The following EYS variants were observed in gnomAD, a reference collection of about 807,000 sequenced individuals.
EYS encodes the protein protein eyes shut homolog.
EYS carries 250 observed loss-of-function variants against 282.1 expected under a neutral mutation model. The ratio of observed to expected loss-of-function variants is 0.89; its 90% CI spans 0.80 to 0.98. EYS has a LOEUF of 0.98. Ranked by LOEUF, EYS falls within the 50% of genes least tolerant of loss-of-function variation. EYS has a pLI of 0.00. For synonymous variants in EYS, 1,355 were observed against 1,282.9 expected (o/e 1.06, Z -1.20); for missense variants, 4,016 against 3,709.0 (o/e 1.08, Z -2.15).
intron 29 of EYS, among the ~76,000 whole-genome samples, chr6:64,357,301 A>G (rs922847772): frequency 1.4e-5 from 2 of 143,378 alleles, no homozygotes; most frequent in African/African-American, 5.3e-5. Context: ...AACAATAACA[A>G]CAACTGTGTC....
rs1468377061 is a variant in EYS, at chr6:65,476,683, T to C, written c.862+13911A>G. Among the ~76,000 whole-genome samples, 7 of 152,222 alleles carry C rather than the reference T, an allele frequency of 4.6e-5. No homozygotes were observed. The East Asian group carries it at 1.4e-3, about 30-fold the overall frequency. On this transcript the variant is annotated intron_variant, in intron 5 of 42. Coordinates refer to ENST00000503581, the MANE Select transcript of EYS (RefSeq NM_001142800.2). ...CCTCCACCTCCCAGGATCAAGTGAT[T>C]CTCCTGCCTCAGCCTCCCGAGTAGC...
chr6:64,613,864 T>G (rs1767184781), intron 24 of EYS, among the ~76,000 whole-genome samples: 1 of 152,090 alleles, frequency 6.6e-6, no homozygotes, highest in African/African-American at 2.4e-5. Flanking sequence ...TTTTGAAGAC[T>G]CCCAGAGCAT....
chr6:65,594,610 G>T (rs1765343215), intron 2 of EYS, among the ~76,000 whole-genome samples: 2 of 152,008 alleles, frequency 1.3e-5, no homozygotes, highest in South Asian at 4.1e-4. Flanking sequence ...CCATTCTGTA[G>T]GTTGCCTGTT....
rs116509965 is a variant in EYS at position 64,915,820 on chromosome 6, G to C, written c.2382-3077C>G. 4.4e-3 allele frequency among the ~76,000 whole-genome samples: 666 copies of C among 152,276 alleles called. 3 individuals are homozygous for C. The highest frequency in any genetic ancestry group is 0.015 in the African/African-American group (629 of 41,550). On this transcript the variant is annotated intron_variant, in intron 15 of 42. Transcript: ENST00000503581. The stretch of plus-strand genomic sequence containing the variant: ...TTTTCTCACTTTACAGATGAGATAG[G>C]TGGAAGTTCAAAGGATAACAGTGAT...
chr6:64,545,714 T>C, intron 26 of EYS, among the ~76,000 whole-genome samples: 1 of 152,132 alleles, frequency 6.6e-6, no homozygotes, highest in South Asian at 2.1e-4. Flanking sequence ...ACAAGCATTC[T>C]TATACACCAG....
intron 12 of EYS, among the ~76,000 whole-genome samples, chr6:65,142,805 TATGGAGGCTAGA>T (rs1764379894): frequency 6.6e-6 from 1 of 151,998 alleles, no homozygotes; most frequent in South Asian, 2.1e-4. Context: ...CATCTAAAAC[TATGGAGGCTAGA>T]AGATAGTGGA....
intron 30 of EYS, among the ~76,000 whole-genome samples, chr6:64,275,798 A>G (rs550800452): frequency 5.2e-5 from 4 of 77,540 alleles, no homozygotes; most frequent in Non-Finnish European, 1.2e-4. Flanking sequence ...TACTAAAAAA[A>G]TAAAATAAAA....
At chr6:65,124,068 G>A (rs1265345690) in intron 12 of EYS, among the ~76,000 whole-genome samples, 1 of 151,998 alleles carries the variant, frequency 6.6e-6, no homozygotes, top group Non-Finnish European at 1.5e-5. Context: ...CAGCTACTTG[G>A]GAAGCTGAGG....
intron 22 of EYS, among the ~76,000 whole-genome samples, chr6:64,778,691 C>A (rs1773758661): frequency 6.6e-6 from 1 of 151,984 alleles, no homozygotes; most frequent in South Asian, 2.1e-4. Context: ...TCCTAAAAAC[C>A]ACCACCAACA....
At chr6:64,032,199 C>G (rs1034626778) in intron 33 of EYS, among the ~76,000 whole-genome samples, 1 of 152,110 alleles carries the variant, frequency 6.6e-6, no homozygotes, top group Non-Finnish European at 1.5e-5. Context: ...AAGGAAGAAA[C>G]TCTGAACACA....
intron 31 of EYS, among the ~76,000 whole-genome samples, chr6:64,151,323 A>ATATATATATATATATATATATATT (rs1774708349): frequency 1.5e-5 from 1 of 64,750 alleles, no homozygotes; most frequent in African/African-American, 8.4e-5. Context: ...ATATTTATAT[A>ATATATATATATATATATATATATT]TATATATATA....
chr6:65,471,216 G>A (rs1249989282), intron 5 of EYS, among the ~76,000 whole-genome samples: 1 of 127,506 alleles, frequency 7.8e-6, no homozygotes, highest in African/African-American at 3.0e-5. Context: ...AACATAGTGA[G>A]ACCTCATCTT....
chr6:65,505,132 A>G (rs1222246674), intron 2 of EYS, among the ~76,000 whole-genome samples: 1 of 151,888 alleles, frequency 6.6e-6, no homozygotes, highest in Non-Finnish European at 1.5e-5. Context: ...GAGTATTGAT[A>G]GTTTGTGTCA....
intron 2 of EYS, among the ~76,000 whole-genome samples, chr6:65,624,934 G>A (rs1275669343): frequency 1.3e-5 from 2 of 152,198 alleles, no homozygotes; most frequent in Non-Finnish European, 2.9e-5. Flanking sequence ...TTGTGATCGT[G>A]TGAGTCAATT....
chr6:64,081,815 A>G, intron 32 of EYS, 41 bp downstream of exon 32: 1 of 1,392,752 alleles, frequency 7.2e-7, no homozygotes, highest in South Asian at 1.4e-5. Flanking sequence ...ACGTTTGAGA[A>G]AGAAACATGA....
chr6:65,007,947 G>A (rs2150131433), intron 13 of EYS, among the ~76,000 whole-genome samples: 1 of 152,262 alleles, frequency 6.6e-6, no homozygotes, highest in East Asian at 1.9e-4. Context: ...CCCCAAATGA[G>A]AGAAGTGCCA....
intron 33 of EYS, among the ~76,000 whole-genome samples, chr6:64,002,690 G>A (rs948839762): frequency 2.6e-5 from 4 of 152,114 alleles, no homozygotes; most frequent in African/African-American, 9.7e-5. Flanking sequence ...TGCTTCAGTG[G>A]GAATGAAGAT....
At chr6:64,748,118 G>T (rs752941563) in intron 22 of EYS, among the ~76,000 whole-genome samples, 12 of 152,192 alleles carry the variant, frequency 7.9e-5, no homozygotes, top group Non-Finnish European at 1.5e-4. Context: ...CAGTGAAATT[G>T]TACTGTGTGA....
At chr6:65,383,268 T>C (rs536977972) in intron 8 of EYS, among the ~76,000 whole-genome samples, 2 of 151,984 alleles carry the variant, frequency 1.3e-5, no homozygotes, top group South Asian at 2.1e-4. Context: ...AGCATAGAGA[T>C]CTTAGCCACA....
Sources: gnomAD v4.1 joint callset for allele counts (sites outside exome capture counted in the v4.1 genomes callset) on GRCh38, gnomAD v4.1.1 for gene constraint, MANE v1.5 for transcripts, NCBI Gene and HGNC (gene_info 2026-07-23, HGNC 2026-07-21) for gene names.